The following NXPE2 variants were observed in gnomAD, a reference collection of about 807,000 sequenced individuals.
The protein encoded by NXPE2 is NXPE family member 2.
A neutral mutation model predicts 34.4 loss-of-function variants in NXPE2; 34 were observed. The ratio of observed to expected loss-of-function variants is 0.99; its 90% CI spans 0.75 to 1.31. NXPE2 has a LOEUF of 1.31. Ranked by LOEUF, NXPE2 falls within the 40% of genes most tolerant of loss-of-function variation. NXPE2 has a pLI of 0.00. For synonymous variants in NXPE2, 235 were observed against 231.3 expected (o/e 1.02, Z -0.15); for missense variants, 649 against 672.5 (o/e 0.97, Z 0.39).
intron 2 of NXPE2, among the ~76,000 whole-genome samples, chr11:114,690,108 AT>A (rs1414227819): frequency 1.3e-5 from 2 of 152,072 alleles, no homozygotes; most frequent in African/African-American, 4.8e-5. Context: ...GATAATTGAT[AT>A]GTAAGGTTTT....
chr11:114,709,661 C>T (rs1391896709), downstream of NXPE2, among the ~76,000 whole-genome samples: 1 of 152,150 alleles, frequency 6.6e-6, no homozygotes, highest in Non-Finnish European at 1.5e-5. Context: ...AATTCCAGCA[C>T]TTTGGGAGCC....
rs755589993 is a variant in NXPE2, at chr11:114,706,666, C to T, written c.1416C>T (p.Ala472=). 4.5e-6 allele frequency: 7 copies of T among 1,551,986 alleles called. No homozygotes were observed. The highest frequency in any genetic ancestry group is 3.3e-4 in the Middle Eastern group (2 of 5,996). ...GTAGGGCCATCAATATTCAAAAGGCCATTGAACGTCTATTCTTGCGAAGCC... is the reference window on the plus strand; with the variant it reads ...GTAGGGCCATCAATATTCAAAAGGCTATTGAACGTCTATTCTTGCGAAGCC... ...FIRRAINIQK[A]IERLFLRSPE... is the part of the protein sequence containing the mutation. Residue 472 remains alanine, a synonymous_variant, in exon 6 of 6, where the codon GCC becomes GCT. Transcript: ENST00000389586.
chr11:114,744,016 A>G, the NXPE2 span, among the ~76,000 whole-genome samples: 7 of 151,108 alleles, frequency 4.6e-5, no homozygotes, highest in South Asian at 1.2e-3. Context: ...CTTTGTGTCT[A>G]TGGATTCTGC....
At chr11:114,697,908 C>T in intron 2 of NXPE2, 137 bp from the exon 3 acceptor site, 1 of 862,492 alleles carries the variant, frequency 1.2e-6, no homozygotes, top group Non-Finnish European at 1.7e-6. Flanking sequence ...GATTCCATAA[C>T]TGAAAACCAG....
chr11:114,614,030 G>T, the NXPE2 span, among the ~76,000 whole-genome samples: 3 of 151,910 alleles, frequency 2.0e-5, no homozygotes, highest in Non-Finnish European at 2.9e-5. Context: ...TGTCTCGTGG[G>T]TAACCACTGT....
the NXPE2 span, among the ~76,000 whole-genome samples, chr11:114,575,609 AAAAT>A: frequency 6.6e-6 from 1 of 152,112 alleles, no homozygotes; most frequent in South Asian, 2.1e-4. Flanking sequence ...AAAATAAAAT[AAAAT>A]AAAATAAAAA....
the NXPE2 span, among the ~76,000 whole-genome samples, chr11:114,631,915 C>T: frequency 6.6e-6 from 1 of 151,234 alleles, no homozygotes; most frequent in Non-Finnish European, 1.5e-5. Flanking sequence ...TGGGTCACTA[C>T]TGTTACCCGG....
At chr11:114,546,646 C>T in the NXPE2 span, among the ~76,000 whole-genome samples, 1 of 151,912 alleles carries the variant, frequency 6.6e-6, no homozygotes, top group Non-Finnish European at 1.5e-5. Context: ...GAAGCAAAGA[C>T]ACCCCAATAG....
the NXPE2 span, chr11:114,582,154 T>C: frequency 1.1e-6 from 1 of 922,650 alleles, no homozygotes; most frequent in Non-Finnish European, 1.6e-6. Context: ...CTAAATGAAT[T>C]CACAGATCCT....
chr11:114,596,064 A>G, the NXPE2 span, among the ~76,000 whole-genome samples: 1 of 152,222 alleles, frequency 6.6e-6, no homozygotes, highest in Non-Finnish European at 1.5e-5. Context: ...AATGATTGAG[A>G]GTAATCATCA....
chr11:114,783,469 C>T, the NXPE2 span, among the ~76,000 whole-genome samples: 7 of 152,102 alleles, frequency 4.6e-5, no homozygotes, highest in African/African-American at 1.4e-4. Context: ...AAAATATGAC[C>T]GAAAGAGCCA....
At chr11:114,662,889 G>A in the NXPE2 span, among the ~76,000 whole-genome samples, 2 of 152,102 alleles carry the variant, frequency 1.3e-5, no homozygotes, top group African/African-American at 2.4e-5. Context: ...TTGAATAACC[G>A]GCAGCAATAC....
chr11:114,739,334 TCCTTC>T, the NXPE2 span, among the ~76,000 whole-genome samples: 2,288 of 29,838 alleles, frequency 0.077, 141 homozygotes, highest in South Asian at 0.17. Flanking sequence ...CTTCCTTCCT[TCCTTC>T]CCCCCTTCCT....
At chr11:114,584,061 A>G in the NXPE2 span, 14 of 312,150 alleles carry the variant, frequency 4.5e-5, 1 homozygote, top group South Asian at 3.4e-4. Context: ...TCTAGGGGTC[A>G]CTTAGATTGC....
the NXPE2 span, among the ~76,000 whole-genome samples, chr11:114,492,885 A>G: frequency 3.3e-5 from 5 of 152,182 alleles, no homozygotes; most frequent in African/African-American, 1.2e-4. Context: ...TGATCTGTCC[A>G]ATGCTGAAAT....
chr11:114,503,957 T>C, the NXPE2 span, among the ~76,000 whole-genome samples: 1 of 152,216 alleles, frequency 6.6e-6, no homozygotes, highest in African/African-American at 2.4e-5. Context: ...CAGGGCAGTC[T>C]TGGGGGGCTC....
In NXPE2 at chr11:114,706,861, C is replaced by T. The variant is rs1360197915; in HGVS notation, c.1611C>T (p.Thr537=). 6.4e-7 allele frequency: 1 copy of T among 1,551,800 alleles called. No individual in the cohort carries two copies. Among genetic ancestry groups the T allele is most frequent in the Non-Finnish European group, 8.7e-7 (1 of 1,146,890 alleles). The part of the protein sequence containing the change: ...DAWDMTIAYC[T]NNAHPPDYVI... Reference sequence around the variant, plus strand: ...GGGACATGACGATTGCATATTGCACCAACAATGCCCATCCACCGGATTATG... The same window carrying T: ...GGGACATGACGATTGCATATTGCACTAACAATGCCCATCCACCGGATTATG... The change falls in exon 6 of 6, where the codon ACC becomes ACT. Residue 537 remains threonine, a synonymous_variant. Coordinates refer to ENST00000389586, the MANE Select transcript of NXPE2 (RefSeq NM_182495.6).
chr11:114,580,157 C>T, the NXPE2 span: 9 of 1,613,880 alleles, frequency 5.6e-6, no homozygotes, highest in Admixed American at 1.7e-5. Flanking sequence ...TGAAGTATTC[C>T]ATCCACTGGC....
At chr11:114,569,357 AG>A in the NXPE2 span, among the ~76,000 whole-genome samples, 1 of 152,228 alleles carries the variant, frequency 6.6e-6, no homozygotes, top group African/African-American at 2.4e-5. Flanking sequence ...CTACATGTGT[AG>A]ATTATAGGGA....
Sources: allele counts gnomAD v4.1 joint callset (sites outside exome capture counted in the v4.1 genomes callset), GRCh38; gene constraint gnomAD v4.1.1; transcripts MANE v1.5; gene names NCBI Gene and HGNC (gene_info 2026-07-23, HGNC 2026-07-21).